CFAP47: variants seen among roughly 807,000 people sequenced by gnomAD.
The protein encoded by CFAP47 is cilia- and flagella-associated protein 47.
In CFAP47, 29 loss-of-function variants were observed where a neutral mutation model predicts 148.1. The ratio of observed to expected loss-of-function variants is 0.20; its 90% CI spans 0.15 to 0.27. CFAP47 has a LOEUF of 0.27. Ranked by LOEUF, CFAP47 falls within the 10% of genes least tolerant of loss-of-function variation. The pLI, the probability that CFAP47 is intolerant of heterozygous loss-of-function variation, is 1.00. For missense variants in CFAP47, 1,872 were observed against 1,697.5 expected (o/e 1.10, Z -1.81); for synonymous variants, 664 against 577.3 (o/e 1.15, Z -2.15).
chrX:35,945,678 CA>C (rs1936074814), intron 3 of CFAP47, among the ~76,000 whole-genome samples: 1 of 110,904 alleles, frequency 9.0e-6, no homozygotes, highest in African/African-American at 3.3e-5. Flanking sequence ...TTTCTCTGCC[CA>C]ATGCCACTTT....
chrX:36,225,108 A>T (rs1187589297), intron 45 of CFAP47, among the ~76,000 whole-genome samples: 1 of 111,410 alleles, frequency 9.0e-6, no homozygotes, highest in Non-Finnish European at 1.9e-5. Flanking sequence ...AATCTTGACA[A>T]TTGCCACACT....
chrX:36,167,075 G>A (rs1281565476), intron 39 of CFAP47, among the ~76,000 whole-genome samples: 1 of 111,575 alleles, frequency 9.0e-6, no homozygotes, highest in Non-Finnish European at 1.9e-5. Flanking sequence ...CTGACTCCAG[G>A]AGGACTTCTA....
At chrX:36,112,596 T>C (rs762671238) in intron 33 of CFAP47, among the ~76,000 whole-genome samples, 1 of 111,679 alleles carries the variant, frequency 9.0e-6, no homozygotes, top group African/African-American at 3.3e-5. Flanking sequence ...GGGTGGATAG[T>C]TCTGTAGATG....
At chrX:35,967,551 C>A in intron 9 of CFAP47, 68 bp from the exon 10 acceptor site, 1 of 790,181 alleles carries the variant, frequency 1.3e-6, no homozygotes, top group Non-Finnish European at 1.9e-6. Context: ...TTAATTAATT[C>A]ATGGTTATTG....
chrX:36,135,585 T>C (rs1939030130), intron 33 of CFAP47, among the ~76,000 whole-genome samples: 1 of 112,066 alleles, frequency 8.9e-6, no homozygotes, highest in Non-Finnish European at 1.9e-5. Context: ...TCAACTTTTA[T>C]GGCATTTTGG....
intron 15 of CFAP47, among the ~76,000 whole-genome samples, chrX:35,982,632 G>C (rs955698466): frequency 9.0e-6 from 1 of 111,237 alleles, no homozygotes; most frequent in Non-Finnish European, 1.9e-5. Flanking sequence ...GTTGATTTTT[G>C]TATGTTGTGT....
rs372998247 is a variant in CFAP47, at chrX:36,234,153, T to C, written c.7015-1781T>C. 3.1e-3 allele frequency among the ~76,000 whole-genome samples: 339 copies of C among 109,110 alleles called. 3 individuals are homozygous for C. Among genetic ancestry groups the C allele is most frequent in the Non-Finnish European group, 5.5e-3 (289 of 52,431 alleles). The allele number at this position is 109,110 out of a possible 115,157, so 94.7% of individuals were successfully genotyped here. ...GTTCTCTGTATTTCCTGAATCTGAA[T>C]GTTGGCCTGCCTTGCTAGATTGGGG... On this transcript the variant is annotated intron_variant, in intron 46 of 63. Transcript: ENST00000378653.
intron 55 of CFAP47, 134 bp downstream of exon 55, chrX:36,307,010 T>C: frequency 3.2e-6 from 1 of 310,893 alleles, no homozygotes; most frequent in South Asian, 9.1e-5. Flanking sequence ...AATTAAATGA[T>C]TTTTGTAAAA....
chrX:35,960,380 GAAAAAAAAA>G (rs1188987905), intron 8 of CFAP47, among the ~76,000 whole-genome samples: 3 of 15,482 alleles, frequency 1.9e-4, no homozygotes, highest in African/African-American at 5.2e-4. Context: ...GCTAATTTCT[GAAAAAAAAA>G]AAAAAAAAAA....
At chrX:36,232,360 G>C (rs1207881226) in intron 46 of CFAP47, among the ~76,000 whole-genome samples, 4 of 111,790 alleles carry the variant, frequency 3.6e-5, no homozygotes, top group African/African-American at 1.3e-4. Flanking sequence ...ATGTGTCAAG[G>C]AATTTATCCA....
intron 26 of CFAP47, among the ~76,000 whole-genome samples, chrX:36,051,599 A>C: frequency 8.9e-6 from 1 of 111,874 alleles, no homozygotes; most frequent in Non-Finnish European, 1.9e-5. Context: ...GAAGTAATTA[A>C]CTTGTTTCTG....
intron 39 of CFAP47, among the ~76,000 whole-genome samples, chrX:36,172,516 T>G (rs1381618886): frequency 1.8e-5 from 2 of 110,332 alleles, no homozygotes; most frequent in Non-Finnish European, 3.8e-5. Flanking sequence ...GAGGGGTTGT[T>G]GAATTTTGTC....
rs777378080 is a variant in CFAP47, at chrX:35,994,000, C to T, written c.3099+679C>T. ...ACCCTGGGCCAGGTGTGGTGGCTCA[C>T]GCCTGTAATCCCAGCACTTTGGGAG... On this transcript the variant is annotated intron_variant, in intron 18 of 63. Coordinates refer to ENST00000378653, the MANE Select transcript of CFAP47 (RefSeq NM_001304548.2). 3.9e-3 allele frequency among the ~76,000 whole-genome samples: 435 copies of T among 111,463 alleles called. 1 individual carries two copies. Among genetic ancestry groups the T allele is most frequent in the Non-Finnish European group, 6.5e-3 (345 of 53,095 alleles).
At chrX:36,233,102 G>A (rs1309088762) in intron 46 of CFAP47, among the ~76,000 whole-genome samples, 2 of 111,966 alleles carry the variant, frequency 1.8e-5, no homozygotes, top group East Asian at 5.6e-4. Context: ...TTGATTTGGG[G>A]TGGAGAGTTC....
intron 48 of CFAP47, among the ~76,000 whole-genome samples, chrX:36,243,859 A>T (rs1940580855): frequency 9.2e-6 from 1 of 108,384 alleles, no homozygotes; most frequent in Non-Finnish European, 1.9e-5. Context: ...CTGAACTTAA[A>T]CTTCACACTT....
At chrX:36,217,453 A>G (rs1555990288) in intron 45 of CFAP47, among the ~76,000 whole-genome samples, 2 of 110,797 alleles carry the variant, frequency 1.8e-5, no homozygotes, top group Admixed American at 9.7e-5. Flanking sequence ...TCTTTTCTCT[A>G]TGCGACTCCC....
intron 3 of CFAP47, among the ~76,000 whole-genome samples, chrX:35,944,144 C>T (rs898920152): frequency 2.7e-5 from 3 of 111,132 alleles, no homozygotes; most frequent in Non-Finnish European, 5.7e-5. Context: ...ACTTCATTGT[C>T]TAAAATATCC....
At position 36,186,628 on chromosome X, in the gene CFAP47, C is replaced by T. The variant is rs782638738; in HGVS notation, c.6105-1992C>T. Reference sequence around the variant, plus strand: ...AGGCTTATGATAAACATCTCCCTAACCCTTTTGGTAGAGGTTTGAGTAGGA... The same window carrying T: ...AGGCTTATGATAAACATCTCCCTAATCCTTTTGGTAGAGGTTTGAGTAGGA... On this transcript the variant is annotated intron_variant, in intron 40 of 63. Coordinates refer to ENST00000378653, the MANE Select transcript of CFAP47 (RefSeq NM_001304548.2). Among the ~76,000 whole-genome samples the T allele has an allele frequency of 2.7e-5, 3 of 111,753 alleles. No homozygotes were observed. In the East Asian group the frequency reaches 8.4e-4, roughly 31 times the overall value.
intron 39 of CFAP47, among the ~76,000 whole-genome samples, chrX:36,173,650 C>T (rs1405037334): frequency 8.9e-6 from 1 of 112,071 alleles, no homozygotes; most frequent in Non-Finnish European, 1.9e-5. Context: ...TTTGATTGCA[C>T]TGTGGTCTGG....
Sources: gnomAD v4.1 joint callset for allele counts (sites outside exome capture counted in the v4.1 genomes callset) on GRCh38, gnomAD v4.1.1 for gene constraint, MANE v1.5 for transcripts, NCBI Gene and HGNC (gene_info 2026-07-23, HGNC 2026-07-21) for gene names.